The following AKAP9 variants were observed in gnomAD, a reference collection of about 807,000 sequenced individuals.
AKAP9 encodes the protein A-kinase anchor protein 9.
AKAP9 carries 311 observed loss-of-function variants against 488.5 expected under a neutral mutation model. The ratio of observed to expected loss-of-function variants is 0.64; its 90% CI spans 0.58 to 0.70. AKAP9 has a LOEUF of 0.70. Among genes scored for constraint, AKAP9 ranks in the 30% least tolerant of loss-of-function variants. The pLI is 0.00. For synonymous variants in AKAP9, 1,462 were observed against 1,483.5 expected, an observed-to-expected ratio of 0.99 and a Z score of 0.33; for missense variants, 4,215 against 4,374.5, an observed-to-expected ratio of 0.96 and a Z score of 1.03.
chr7:91,987,237 C>T (rs1338415660), intron 3 of AKAP9, among the ~76,000 whole-genome samples: 1 of 151,866 alleles, frequency 6.6e-6, no homozygotes, highest in Non-Finnish European at 1.5e-5. Flanking sequence ...GACCAACATG[C>T]TGAAACCCCA....
chr7:92,070,398 GTTGTTGTT>G (rs778910551), intron 27 of AKAP9, among the ~76,000 whole-genome samples, 192 bp downstream of exon 27: 67 of 142,380 alleles, frequency 4.7e-4, no homozygotes, highest in African/African-American at 1.3e-3. Flanking sequence ...TTTTGTTGTT[GTTGTTGTT>G]TTGTTTTGTT....
intron 3 of AKAP9, among the ~76,000 whole-genome samples, chr7:91,984,156 T>TCCAAAAGTCCCAA (rs2130604680): frequency 1.3e-5 from 2 of 152,348 alleles, no homozygotes; most frequent in South Asian, 4.1e-4. Flanking sequence ...TTTGTCTATT[T>TCCAAAAGTCCCAA]TGGCTTTTGT....
At position 92,096,799 on chromosome 7, in the gene AKAP9, G is replaced by C; in HGVS notation, c.9840G>C (p.Gln3280His). ...LNESQQKIESQRMLYDAQLSE... is the reference protein window; with the variant it reads ...LNESQQKIESHRMLYDAQLSE... The stretch of plus-strand genomic sequence containing the variant: ...AATCCCAGCAAAAAATAGAATCACA[G>C]AGAATGCTATATGATGCCCAGTTGT... The change falls in exon 41 of 50, where the codon CAG becomes CAC. Residue 3280 changes from glutamine to histidine, a missense_variant. By Grantham distance (24) the Gln-to-His change is conservative. Coordinates refer to ENST00000356239, the MANE Select transcript of AKAP9 (RefSeq NM_005751.5). 1 of 1,614,186 alleles carries C rather than the reference G, an allele frequency of 6.2e-7. No individual in the cohort carries two copies. The highest frequency in any genetic ancestry group is 8.5e-7 in the Non-Finnish European group (1 of 1,180,030).
chr7:92,021,367 A>G (rs940891997), intron 12 of AKAP9, among the ~76,000 whole-genome samples: 3 of 152,164 alleles, frequency 2.0e-5, no homozygotes, highest in African/African-American at 7.2e-5. Flanking sequence ...ATTGATTATT[A>G]AGTATTTGAT....
rs559145633 is a variant in AKAP9 at position 91,988,555 on chromosome 7, T to A, written c.352-3603T>A. ...ATGCCATATTTGCAAAGTTTAATAATCTTGGCAGATCTAGATTGTATTTGA... is the reference window on the plus strand; with the variant it reads ...ATGCCATATTTGCAAAGTTTAATAAACTTGGCAGATCTAGATTGTATTTGA... On this transcript the variant is annotated intron_variant, in intron 3 of 49. Transcript: ENST00000356239. Among the ~76,000 whole-genome samples the A allele has an allele frequency of 2.0e-5, 3 of 152,298 alleles. No homozygotes were observed. In the South Asian group the frequency reaches 6.2e-4, roughly 32 times the overall value.
chr7:92,019,753 A>AT lies in AKAP9; in HGVS notation c.3838-2484dup, dbSNP rs778871156. ...CCGGGCATGGTGGCTCATACCTGCA[A>AT]TCCCAGCACTTTAGTTGGCCAAGGT... On this transcript the variant is annotated intron_variant, in intron 12 of 49. Coordinates refer to ENST00000356239, the MANE Select transcript of AKAP9 (RefSeq NM_005751.5). Among the ~76,000 whole-genome samples, 4 of 152,144 alleles carry AT rather than the reference A, an allele frequency of 2.6e-5. 1 individual carries two copies.
chr7:92,006,533 A>G (rs1285225886), intron 8 of AKAP9, among the ~76,000 whole-genome samples: 21 of 152,232 alleles, frequency 1.4e-4, no homozygotes, highest in Admixed American at 1.1e-3. Context: ...CATTGACTAC[A>G]TAAAGTAAAG....
chr7:92,022,206 T>C, intron 12 of AKAP9, 32 bp from the exon 13 acceptor site: 2 of 1,471,898 alleles, frequency 1.4e-6, no homozygotes, highest in South Asian at 2.3e-5. Flanking sequence ...TATGTATTTA[T>C]GTTACTGCTT....
intron 22 of AKAP9, among the ~76,000 whole-genome samples, chr7:92,053,731 G>C (rs1808351984): frequency 6.6e-6 from 1 of 152,124 alleles, no homozygotes; most frequent in African/African-American, 2.4e-5. Context: ...GCTTTGTGTA[G>C]AGCAGTAACC....
At chr7:92,022,695 T>C (rs971944427) in intron 13 of AKAP9, 119 bp from the exon 14 acceptor site, 1 of 704,972 alleles carries the variant, frequency 1.4e-6, no homozygotes, top group Non-Finnish European at 2.3e-6. Context: ...CCAGAGTTAT[T>C]ACCACTAAAA....
At chr7:91,951,804 TCA>T (rs1230237020) in intron 1 of AKAP9, among the ~76,000 whole-genome samples, 2 of 152,116 alleles carry the variant, frequency 1.3e-5, no homozygotes, top group Non-Finnish European at 2.9e-5. Context: ...AAAATTTGTC[TCA>T]CACGCTTGCA....
At position 92,038,570 on chromosome 7, in the gene AKAP9, A is replaced by C. The variant is rs1460234093; in HGVS notation, c.4490A>C (p.Gln1497Pro). 2 of 1,613,862 alleles carry C rather than the reference A, an allele frequency of 1.2e-6. No individual in the cohort carries two copies. Among genetic ancestry groups the C allele is most frequent in the African/African-American group, 1.3e-5 (1 of 74,932 alleles). ...AATGAAATGAAATTATCACAGGATC[A>C]AATTGGTTTTCAGACTTTTGAGACA... ...YFNEMKLSQD[Q>P]IGFQTFETVD... is the part of the protein sequence containing the mutation. Residue 1497 changes from glutamine to proline, a missense_variant, in exon 17 of 50, where the codon CAA (glutamine) becomes CCA (proline). Gln to Pro is a moderately conservative substitution (Grantham distance 76). Transcript: ENST00000356239.
rs1794110833 is a variant in AKAP9 at position 91,964,025 on chromosome 7, C to G, written c.49-9686C>G. On this transcript the variant is annotated intron_variant, in intron 1 of 49. Coordinates refer to ENST00000356239, the MANE Select transcript of AKAP9 (RefSeq NM_005751.5). Reference sequence around the variant, plus strand: ...TCAGAATGACCAAAGAGCTCAAATTCAATTTAGGAATAGGTGGCTAATAGT... The same window carrying G: ...TCAGAATGACCAAAGAGCTCAAATTGAATTTAGGAATAGGTGGCTAATAGT... Among the ~76,000 whole-genome samples, 3 of 152,004 alleles carry G rather than the reference C, an allele frequency of 2.0e-5. No individual in the cohort carries two copies. In the South Asian group the frequency reaches 6.2e-4, roughly 32 times the overall value.
chr7:92,068,204 CA>C (rs879413094), intron 26 of AKAP9, among the ~76,000 whole-genome samples: 150 of 139,294 alleles, frequency 1.1e-3, no homozygotes, highest in Non-Finnish European at 1.0e-3. Context: ...ACTAAAAATA[CA>C]AAAAAAAAAA....
intron 1 of AKAP9, among the ~76,000 whole-genome samples, chr7:91,955,149 G>A (rs1792803897): frequency 6.6e-6 from 1 of 152,132 alleles, no homozygotes; most frequent in African/African-American, 2.4e-5. Context: ...CTAAGTGACT[G>A]ACCTTTCTTT....
In AKAP9 at chr7:92,029,986, A is replaced by T; in HGVS notation, c.4240A>T (p.Ile1414Leu). 1 of 1,593,980 alleles carries T rather than the reference A, an allele frequency of 6.3e-7. No individual in the cohort carries two copies. The highest frequency in any genetic ancestry group is 8.6e-7 in the Non-Finnish European group (1 of 1,162,848). The change falls in exon 15 of 50, where the codon ATA (isoleucine) becomes TTA (leucine). Residue 1414 changes from isoleucine (I) to leucine (L), a missense_variant. Ile to Leu is a conservative substitution (Grantham distance 5). Coordinates refer to ENST00000356239, the MANE Select transcript of AKAP9 (RefSeq NM_005751.5). ...TGTGAAAAAGAATATTGATGGTACA[A>T]TAGAGGTATTATATTTTTAATTTTT... The part of the protein sequence containing the change: ...SCVKKNIDGT[I>L]EFSGEFGVKE...
chr7:91,998,419 T>C (rs1798687476), intron 7 of AKAP9, among the ~76,000 whole-genome samples: 1 of 18,022 alleles, frequency 5.5e-5, no homozygotes, highest in South Asian at 2.1e-3. Flanking sequence ...CACAGGGCTC[T>C]TTTTTTTTTT....
chr7:91,998,392 A>AAGAT (rs1479807710), intron 7 of AKAP9, among the ~76,000 whole-genome samples: 1 of 135,810 alleles, frequency 7.4e-6, no homozygotes, highest in Admixed American at 7.6e-5. Flanking sequence ...GTATTTCCAA[A>AAGAT]AGATAGTGTA....
intron 4 of AKAP9, 54 bp downstream of exon 4, chr7:91,992,265 T>A (rs1797846693): frequency 5.2e-6 from 7 of 1,345,720 alleles, no homozygotes; most frequent in Non-Finnish European, 7.5e-6. Flanking sequence ...TTTAAAATCA[T>A]CTGGCTTACT....
Sources: allele counts gnomAD v4.1 joint callset (sites outside exome capture counted in the v4.1 genomes callset), GRCh38; gene constraint gnomAD v4.1.1; transcripts MANE v1.5; gene names NCBI Gene and HGNC (gene_info 2026-07-23, HGNC 2026-07-21).